The following PLCL2 variants were observed in gnomAD, a reference collection of about 807,000 sequenced individuals.
PLCL2 encodes phospholipase C like 2.
A neutral mutation model predicts 79.6 loss-of-function variants in PLCL2; 4 were observed. That is an observed-to-expected ratio of 0.05 (90% CI 0.02 to 0.11). The LOEUF is 0.11. Ranked by LOEUF, PLCL2 falls within the 10% of genes least tolerant of loss-of-function variation. PLCL2 has a pLI of 1.00. For missense variants in PLCL2, 895 were observed against 1,291.0 expected (o/e 0.69, Z 4.70); for synonymous variants, 484 against 457.7 (o/e 1.06, Z -0.73).
In PLCL2 at chr3:16,897,290, A is replaced by G. The variant is rs78986573; in HGVS notation, c.327+11924A>G. Among the ~76,000 whole-genome samples the G allele has an allele frequency of 2.1e-3, 316 of 151,268 alleles. 7 individuals carry two copies. The East Asian group carries it at 0.054, about 26-fold the overall frequency. ...TTTTTTGATCTAGGTAAAGGTAAAA[A>G]TTATGTCAATTAAAAAAAAAAAAGG... is the stretch of plus-strand genomic sequence containing the variant. On this transcript the variant is annotated intron_variant, in intron 1 of 5. Coordinates refer to ENST00000615277, the MANE Select transcript of PLCL2 (RefSeq NM_001144382.2).
At chr3:16,980,210 T>A (rs1575567834) in intron 1 of PLCL2, among the ~76,000 whole-genome samples, 8 of 102,702 alleles carry the variant, frequency 7.8e-5, no homozygotes, top group African/African-American at 1.5e-4. Context: ...CACTTCCCAG[T>A]AGGGGTGGCC....
chr3:17,057,644 G>A (rs760303842), intron 4 of PLCL2, among the ~76,000 whole-genome samples: 3 of 152,188 alleles, frequency 2.0e-5, no homozygotes, highest in Non-Finnish European at 1.5e-5. Context: ...AAATAGAAGG[G>A]CCGCTTGAGT....
chr3:17,019,473 A>AT (rs1280136014), intron 3 of PLCL2, among the ~76,000 whole-genome samples: 2 of 152,170 alleles, frequency 1.3e-5, no homozygotes, highest in African/African-American at 2.4e-5. Context: ...TCTCTGTCCA[A>AT]TTTTTTTCTG....
intron 5 of PLCL2, among the ~76,000 whole-genome samples, chr3:17,084,114 G>C (rs1009069546): frequency 1.3e-5 from 2 of 152,126 alleles, no homozygotes; most frequent in Non-Finnish European, 1.5e-5. Flanking sequence ...TATCACCACA[G>C]ATTTTATGGA....
chr3:17,029,342 TA>T (rs1307909240), intron 3 of PLCL2, among the ~76,000 whole-genome samples: 1 of 145,738 alleles, frequency 6.9e-6, no homozygotes, highest in Non-Finnish European at 1.5e-5. Flanking sequence ...CGTATGCCCT[TA>T]AAAAAAAGAA....
In PLCL2 at chr3:17,089,285, T is replaced by C. The variant is rs2065250746; in HGVS notation, c.3205-448T>C. Among the ~76,000 whole-genome samples the C allele has an allele frequency of 2.0e-5, 3 of 152,198 alleles. No homozygotes were observed. The South Asian group carries it at 6.2e-4, about 31-fold the overall frequency. On this transcript the variant is annotated intron_variant, in intron 5 of 5. Transcript: ENST00000615277. ...TATTGTGCTATAGTTATGTGAGACA[T>C]AACCATTGGGGGAAATTTGGGAAAG...
chr3:17,056,871 G>A (rs1357920681), intron 4 of PLCL2, among the ~76,000 whole-genome samples: 1 of 152,164 alleles, frequency 6.6e-6, no homozygotes, highest in Non-Finnish European at 1.5e-5. Context: ...AGGAGGTGGA[G>A]CTTGAACTAG....
At chr3:17,076,321 T>C (rs2065108201) in intron 5 of PLCL2, among the ~76,000 whole-genome samples, 1 of 152,000 alleles carries the variant, frequency 6.6e-6, no homozygotes, top group Admixed American at 6.6e-5. Flanking sequence ...GATTTTTAGA[T>C]ATGTGAATTT....
chr3:17,001,862 TG>T (rs1353426273), intron 1 of PLCL2, among the ~76,000 whole-genome samples: 1 of 151,718 alleles, frequency 6.6e-6, no homozygotes, highest in African/African-American at 2.4e-5. Flanking sequence ...TCCATATGAA[TG>T]TTAGGATTTT....
intron 3 of PLCL2, among the ~76,000 whole-genome samples, chr3:17,022,756 A>C (rs75964199): frequency 0.029 from 4,382 of 152,222 alleles, 235 homozygotes; most frequent in African/African-American, 0.1. Context: ...TTGAGCCTTT[A>C]ATCACCTTAT....
chr3:17,085,844 G>A lies in PLCL2; in HGVS notation c.3205-3889G>A, dbSNP rs150592877. Among the ~76,000 whole-genome samples the A allele has an allele frequency of 7.9e-5, 12 of 152,196 alleles. No homozygotes were observed. The East Asian group carries it at 2.3e-3, about 29-fold the overall frequency. ...AGAACCCCCAGAAATAAAATATTCA[G>A]GTATAAATCTAACAACATATATATG... On this transcript the variant is annotated intron_variant, in intron 5 of 5. Coordinates refer to ENST00000615277, the MANE Select transcript of PLCL2 (RefSeq NM_001144382.2).
chr3:17,048,073 T>C (rs1373376123), intron 4 of PLCL2, among the ~76,000 whole-genome samples: 1 of 142,960 alleles, frequency 7.0e-6, no homozygotes, highest in East Asian at 2.1e-4. Flanking sequence ...CTGGATTTAA[T>C]TGCTCAGAGA....
At chr3:16,969,215 T>G (rs1247536945) in intron 1 of PLCL2, among the ~76,000 whole-genome samples, 1 of 152,184 alleles carries the variant, frequency 6.6e-6, no homozygotes, top group East Asian at 1.9e-4. Context: ...TTTTTTGTTG[T>G]GTCTCTTCCA....
chr3:16,930,272 G>C (rs369727371), intron 1 of PLCL2, among the ~76,000 whole-genome samples: 2 of 152,138 alleles, frequency 1.3e-5, no homozygotes, highest in East Asian at 3.8e-4. Flanking sequence ...AGACAGGCGA[G>C]ATTTCACGAG....
intron 5 of PLCL2, among the ~76,000 whole-genome samples, chr3:17,077,439 T>G (rs1182303277): frequency 6.6e-6 from 1 of 152,260 alleles, no homozygotes; most frequent in Non-Finnish European, 1.5e-5. Flanking sequence ...GTTCATAGAA[T>G]GATTATACCC....
Position 16,955,534 on chromosome 3 carries a change from C to G in PLCL2, c.328-54140C>G, listed in dbSNP as rs544635870. ...GGGCTCTTTTTTGGTTCCATATGAA[C>G]TTTAAAGTAGTTTTTTCCAATTCTG... On this transcript the variant is annotated intron_variant, in intron 1 of 5. Coordinates refer to ENST00000615277, the MANE Select transcript of PLCL2 (RefSeq NM_001144382.2). Among the ~76,000 whole-genome samples, 15 of 152,138 alleles carry G rather than the reference C, an allele frequency of 9.9e-5. No individual in the cohort carries two copies. The East Asian group carries it at 1.2e-3, about 12-fold the overall frequency.
chr3:16,888,838 A>G (rs1368011839), intron 1 of PLCL2, among the ~76,000 whole-genome samples: 8 of 152,234 alleles, frequency 5.3e-5, no homozygotes, highest in Admixed American at 1.3e-4. Context: ...AGAACTAGTT[A>G]AATACTTTGG....
chr3:17,055,183 A>G (rs2064880207), intron 4 of PLCL2, among the ~76,000 whole-genome samples: 1 of 152,228 alleles, frequency 6.6e-6, no homozygotes. Context: ...GGAAACCTGC[A>G]TCAGACTCCC....
chr3:17,012,181 A>G (rs1481180095), intron 2 of PLCL2, 21 bp downstream of exon 2: 1 of 1,583,856 alleles, frequency 6.3e-7, no homozygotes, highest in Non-Finnish European at 8.6e-7. Flanking sequence ...GTGTTTAATC[A>G]TTTACTCAAT....
Sources: gnomAD v4.1 joint callset for allele counts (sites outside exome capture counted in the v4.1 genomes callset) on GRCh38, gnomAD v4.1.1 for gene constraint, MANE v1.5 for transcripts, NCBI Gene and HGNC (gene_info 2026-07-23, HGNC 2026-07-21) for gene names.